Variants in USP14 observed in about 807,000 individuals in gnomAD.
USP14 encodes the protein ubiquitin specific peptidase 14, also known as ubiquitin carboxyl-terminal hydrolase 14.
USP14 carries 38 observed loss-of-function variants against 76.5 expected under a neutral mutation model. The ratio of observed to expected loss-of-function variants is 0.50; its 90% CI spans 0.38 to 0.65. USP14 has a LOEUF of 0.65. USP14 is among the 30% of genes least tolerant of loss of function. USP14 has a pLI of 0.00. For missense variants in USP14, 467 were observed against 586.5 expected, an observed-to-expected ratio of 0.80 and a Z score of 2.10; for synonymous variants, 192 against 191.7, an observed-to-expected ratio of 1.00 and a Z score of -0.01.
chr18:164,331 A>G (rs1298189690), intron 2 of USP14, among the ~76,000 whole-genome samples: 1 of 152,204 alleles, frequency 6.6e-6, no homozygotes, highest in African/African-American at 2.4e-5. Flanking sequence ...GTAATTTTGT[A>G]CATGCATTTG....
intron 2 of USP14, among the ~76,000 whole-genome samples, chr18:165,217 G>A (rs1909235358): frequency 6.6e-6 from 1 of 152,176 alleles, no homozygotes; most frequent in African/African-American, 2.4e-5. Context: ...AAAGTGCTGG[G>A]ATTACAGGCG....
At chr18:197,133 T>G (rs777084143) in intron 7 of USP14, among the ~76,000 whole-genome samples, 1 of 152,192 alleles carries the variant, frequency 6.6e-6, no homozygotes, top group Non-Finnish European at 1.5e-5. Flanking sequence ...CTGCACAGGC[T>G]TCCTTAAACC....
chr18:165,108 G>A (rs556719514), intron 2 of USP14, among the ~76,000 whole-genome samples: 13 of 152,098 alleles, frequency 8.5e-5, no homozygotes, highest in African/African-American at 3.1e-4. Context: ...ACCACCATGC[G>A]TGACAAATGT....
At chr18:200,949 G>A (rs985765242) in intron 10 of USP14, among the ~76,000 whole-genome samples, 1 of 151,930 alleles carries the variant, frequency 6.6e-6, no homozygotes, top group African/African-American at 2.4e-5. Flanking sequence ...CTACAGGTGC[G>A]TGCCACCACA....
chr18:164,700 C>T (rs111250834), intron 2 of USP14, among the ~76,000 whole-genome samples: 12 of 152,014 alleles, frequency 7.9e-5, no homozygotes, highest in African/African-American at 2.7e-4. Flanking sequence ...GTGATCTGCC[C>T]ACCTTGGCCT....
At position 197,543 on chromosome 18, in the gene USP14, G is replaced by A. The variant is rs1172477224; in HGVS notation, c.595-73G>A. 5 of 1,212,550 alleles carry A rather than the reference G, an allele frequency of 4.1e-6. No homozygotes were observed. The Admixed American group carries it at 7.7e-5, about 19-fold the overall frequency. 75.1% of individuals were successfully genotyped at this position (1,212,550 alleles called of 1,614,324 possible). On this transcript the variant is annotated intron_variant, in intron 7 of 15. Coordinates refer to ENST00000261601, the MANE Select transcript of USP14 (RefSeq NM_005151.4). ...AAACCACTTTCTTGCCTAGGAGACA[G>A]TGATTATTTTGGAAGAACTTTGTAG...
intron 3 of USP14, among the ~76,000 whole-genome samples, chr18:168,874 A>G (rs1909356257): frequency 1.3e-5 from 2 of 151,236 alleles, no homozygotes; most frequent in African/African-American, 4.9e-5. Context: ...GATCGAGACC[A>G]TCCTGGCTAA....
At position 210,411 on chromosome 18, in the gene USP14, C is replaced by G; in HGVS notation, c.1251C>G (p.Tyr417Ter). Residue 417 changes from tyrosine (Y) to a stop codon, truncating the protein, a stop_gained, in exon 15 of 16, where the codon TAC becomes TAG. Coordinates refer to ENST00000261601, the MANE Select transcript of USP14 (RefSeq NM_005151.4). LOFTEE classifies it high-confidence loss of function. ...ATATTGGCTCCAATAATTGTGGATA[C>G]TATGACTTACAAGCAGTACTAACAC... is the stretch of plus-strand genomic sequence containing the variant. The part of the protein sequence containing the change: ...ADDIGSNNCG[Y>*]YDLQAVLTHQ... 1 of 1,608,578 alleles carries G rather than the reference C, an allele frequency of 6.2e-7. No individual in the cohort carries two copies. The highest frequency in any genetic ancestry group is 8.5e-7 in the Non-Finnish European group (1 of 1,177,742).
intron 2 of USP14, among the ~76,000 whole-genome samples, chr18:165,189 G>C (rs1169314696): frequency 6.6e-6 from 1 of 151,968 alleles, no homozygotes; most frequent in Non-Finnish European, 1.5e-5. Flanking sequence ...CAAGTGATAT[G>C]CCTGCCTCGG....
chr18:192,487 C>G (rs1910117298), intron 5 of USP14, among the ~76,000 whole-genome samples: 1 of 152,114 alleles, frequency 6.6e-6, no homozygotes, highest in South Asian at 2.1e-4. Context: ...ATTGCTTGAA[C>G]CCAGGAGGTA....
chr18:196,547 T>A, intron 6 of USP14, 90 bp from the exon 7 acceptor site: 1 of 1,408,426 alleles, frequency 7.1e-7, no homozygotes, highest in Non-Finnish European at 9.5e-7. Flanking sequence ...ATTAAGTAAG[T>A]TTTTGTTTGT....
At chr18:183,095 T>G (rs1475190393) in intron 5 of USP14, among the ~76,000 whole-genome samples, 4 of 152,250 alleles carry the variant, frequency 2.6e-5, no homozygotes, top group African/African-American at 9.6e-5. Flanking sequence ...CTGGTGAATC[T>G]TACTGTGTCT....
intron 13 of USP14, among the ~76,000 whole-genome samples, chr18:209,593 GT>G (rs925241920): frequency 2.0e-5 from 3 of 152,214 alleles, no homozygotes; most frequent in South Asian, 4.1e-4. Context: ...AGAGGTAGTT[GT>G]TTTTTCCCCC....
intron 13 of USP14, among the ~76,000 whole-genome samples, chr18:206,539 T>G (rs1598280254): frequency 1.3e-5 from 2 of 152,246 alleles, no homozygotes; most frequent in Admixed American, 6.5e-5. Context: ...GAAAGGTTTT[T>G]TTAATTTTTA....
intron 2 of USP14, 38 bp downstream of exon 2, chr18:163,491 T>C (rs1909182774): frequency 6.4e-7 from 1 of 1,555,700 alleles, no homozygotes; most frequent in Non-Finnish European, 8.7e-7. Flanking sequence ...ATTACTATTA[T>C]TGTATACTTT....
intron 15 of USP14, 98 bp downstream of exon 15, chr18:210,591 A>C: frequency 1.3e-6 from 1 of 764,060 alleles, no homozygotes; most frequent in Non-Finnish European, 2.0e-6. Flanking sequence ...GGGTCTCAGA[A>C]CCACTTTACA....
intron 3 of USP14, among the ~76,000 whole-genome samples, chr18:172,974 T>G (rs1909506699): frequency 6.6e-6 from 1 of 152,226 alleles, no homozygotes; most frequent in Non-Finnish European, 1.5e-5. Flanking sequence ...CTAAGTCAGT[T>G]GATCACATTT....
intron 5 of USP14, among the ~76,000 whole-genome samples, chr18:181,810 G>A (rs1036649126): frequency 2.6e-5 from 4 of 151,768 alleles, no homozygotes; most frequent in Admixed American, 1.3e-4. Context: ...TCTAATTCTA[G>A]GTTACAAAGA....
intron 6 of USP14, among the ~76,000 whole-genome samples, chr18:193,331 A>G (rs984397918): frequency 2.0e-5 from 3 of 152,214 alleles, no homozygotes; most frequent in Non-Finnish European, 2.9e-5. Context: ...GCATAAGAGA[A>G]TATAACCCCC....
Sources: gnomAD v4.1 joint callset for allele counts (sites outside exome capture counted in the v4.1 genomes callset) on GRCh38, gnomAD v4.1.1 for gene constraint, MANE v1.5 for transcripts, NCBI Gene and HGNC (gene_info 2026-07-23, HGNC 2026-07-21) for gene names.